TMEM232: variants seen among roughly 807,000 people sequenced by gnomAD.
The protein encoded by TMEM232 is transmembrane protein 232.
TMEM232 carries 80 observed loss-of-function variants against 78.8 expected under a neutral mutation model. The observed-to-expected ratio is 1.01, with a 90% confidence interval of 0.85 to 1.22. The LOEUF (loss-of-function observed/expected upper bound fraction) is 1.22, where lower values mean the gene tolerates loss of function less well. Ranked by LOEUF, TMEM232 falls within the 50% of genes most tolerant of loss-of-function variation. TMEM232 has a pLI of 0.00. For synonymous variants in TMEM232, 297 were observed against 254.3 expected, an observed-to-expected ratio of 1.17 and a Z score of -1.60; for missense variants, 881 against 742.2, an observed-to-expected ratio of 1.19 and a Z score of -2.17.
chr5:110,499,426 A>C (rs1231810946), intron 12 of TMEM232, among the ~76,000 whole-genome samples: 2 of 152,046 alleles, frequency 1.3e-5, no homozygotes, highest in Non-Finnish European at 2.9e-5. Flanking sequence ...TAATCTTTTA[A>C]AAATTTTATT....
chr5:110,488,375 G>T (rs1467713657), intron 12 of TMEM232, among the ~76,000 whole-genome samples: 1 of 151,980 alleles, frequency 6.6e-6, no homozygotes, highest in Non-Finnish European at 1.5e-5. Context: ...TTAAAGCACA[G>T]AGCATCTTTT....
chr5:110,393,282 A>G (rs553408888), intron 3 of TMEM232, among the ~76,000 whole-genome samples: 138 of 152,304 alleles, frequency 9.1e-4, no homozygotes, highest in African/African-American at 3.2e-3. Flanking sequence ...CAATAATTTT[A>G]GATTTTTCTT....
At chr5:110,528,879 ATGGG>A (rs1427603450) in intron 11 of TMEM232, 44 bp from the exon 12 acceptor site, 4 of 1,273,436 alleles carry the variant, frequency 3.1e-6, no homozygotes, top group African/African-American at 1.5e-5. Flanking sequence ...ACAGGATTAA[ATGGG>A]AGAAAAAAAA....
intron 10 of TMEM232, among the ~76,000 whole-genome samples, chr5:110,601,552 C>G (rs1420492403): frequency 6.6e-6 from 1 of 151,998 alleles, no homozygotes; most frequent in Non-Finnish European, 1.5e-5. Flanking sequence ...ACAACTGCTA[C>G]AAAGAAAATA....
chr5:110,405,358 A>G (rs2112574369), intron 2 of TMEM232, among the ~76,000 whole-genome samples: 1 of 152,184 alleles, frequency 6.6e-6, no homozygotes, highest in East Asian at 1.9e-4. Context: ...TATTTTATAC[A>G]CCATATTCAT....
chr5:110,558,198 G>A (rs1775326742), intron 11 of TMEM232, among the ~76,000 whole-genome samples: 1 of 152,042 alleles, frequency 6.6e-6, no homozygotes, highest in African/African-American at 2.4e-5. Flanking sequence ...TTGGTCTGCT[G>A]GCAACATCAT....
At chr5:110,661,237 T>C (rs890162457) in intron 2 of TMEM232, among the ~76,000 whole-genome samples, 2 of 152,218 alleles carry the variant, frequency 1.3e-5, no homozygotes, top group African/African-American at 4.8e-5. Context: ...TTATCATGCA[T>C]GGACACTTAG....
chr5:110,415,301 C>T (rs1756156051), downstream of TMEM232, among the ~76,000 whole-genome samples: 1 of 151,910 alleles, frequency 6.6e-6, no homozygotes, highest in Non-Finnish European at 1.5e-5. Flanking sequence ...CATTCTCCCG[C>T]CTCAGCCTCC....
chr5:110,400,394 C>T (rs1755546376), intron 2 of TMEM232, among the ~76,000 whole-genome samples: 1 of 152,048 alleles, frequency 6.6e-6, no homozygotes, highest in Non-Finnish European at 1.5e-5. Flanking sequence ...TGCCACATTA[C>T]AATTATTTGC....
chr5:110,596,331 G>T (rs1488772780), intron 10 of TMEM232, among the ~76,000 whole-genome samples: 1 of 152,126 alleles, frequency 6.6e-6, no homozygotes, highest in African/African-American at 2.4e-5. Context: ...TTGAATCTCT[G>T]AATAGACCAA....
chr5:110,456,612 T>C (rs911955904), intron 12 of TMEM232, among the ~76,000 whole-genome samples: 3 of 152,080 alleles, frequency 2.0e-5, no homozygotes, highest in African/African-American at 7.2e-5. Context: ...AAAAATACTA[T>C]CTGGTTTCAA....
intron 11 of TMEM232, among the ~76,000 whole-genome samples, chr5:110,537,291 A>ATAT (rs1554102698): frequency 0.035 from 4,791 of 136,314 alleles, 248 homozygotes; most frequent in African/African-American, 0.14. Context: ...ATATATATAT[A>ATAT]TTTTTTTTTT....
At position 110,622,231 on chromosome 5, in the gene TMEM232, G is replaced by A. The variant is rs79724497; in HGVS notation, c.768+3036C>T. On this transcript the variant is annotated intron_variant, in intron 7 of 13. Coordinates refer to ENST00000455884, the MANE Select transcript of TMEM232 (RefSeq NM_001039763.4). ...ACAGCACAAAATGTCCCAAACTTAG[G>A]TAATGCCTTTGGCTTATCAAAAAGT... 4.3e-3 allele frequency among the ~76,000 whole-genome samples: 659 copies of A among 152,210 alleles called. 22 individuals are homozygous for A. In the East Asian group the frequency reaches 0.051, roughly 12 times the overall value.
chr5:110,446,863 T>G (rs1759702193), intron 12 of TMEM232, among the ~76,000 whole-genome samples: 1 of 152,056 alleles, frequency 6.6e-6, no homozygotes. Context: ...TTCATTTAAA[T>G]ATGGTTAAGG....
chr5:110,423,042 A>T (rs538722917), intron 13 of TMEM232, among the ~76,000 whole-genome samples: 1 of 152,176 alleles, frequency 6.6e-6, no homozygotes, highest in African/African-American at 2.4e-5. Context: ...AATGAGGTAT[A>T]TTTTCTATTC....
intron 10 of TMEM232, among the ~76,000 whole-genome samples, chr5:110,597,953 G>T (rs1264306787): frequency 6.6e-6 from 1 of 152,142 alleles, no homozygotes; most frequent in African/African-American, 2.4e-5. Flanking sequence ...ATAGGCATGG[G>T]CAAGGACTTC....
Position 110,419,969 on chromosome 5 carries a change from A to T in TMEM232, c.*611T>A, listed in dbSNP as rs1756476160. The T allele has an allele frequency of 6.6e-6, 1 of 152,174 alleles. No homozygotes were observed. The highest frequency in any genetic ancestry group is 1.5e-5 in the Non-Finnish European group (1 of 68,070). The allele number at this position is 152,174 out of a possible 1,614,324, so 9.4% of individuals were successfully genotyped here. Reference sequence around the variant, plus strand: ...CTCATAAACTCACAGAACAGAGTAAAACCACCATCTCTCAGGAATCCCCTC... The same window carrying T: ...CTCATAAACTCACAGAACAGAGTAATACCACCATCTCTCAGGAATCCCCTC... On this transcript the variant is annotated 3_prime_UTR_variant, in exon 14 of 14. Transcript: ENST00000455884.
chr5:110,713,608 A>G (rs1796720350), intron 1 of TMEM232, among the ~76,000 whole-genome samples: 1 of 152,204 alleles, frequency 6.6e-6, no homozygotes, highest in Non-Finnish European at 1.5e-5. Flanking sequence ...TCAAAATTTG[A>G]AAAACAAAAT....
At chr5:110,696,356 G>C (rs1042672096) in intron 1 of TMEM232, among the ~76,000 whole-genome samples, 3 of 152,152 alleles carry the variant, frequency 2.0e-5, no homozygotes, top group African/African-American at 7.2e-5. Context: ...ATACTGAATG[G>C]ACAAAAACTG....
Sources: gnomAD v4.1 joint callset for allele counts (sites outside exome capture counted in the v4.1 genomes callset) on GRCh38, gnomAD v4.1.1 for gene constraint, MANE v1.5 for transcripts, NCBI Gene and HGNC (gene_info 2026-07-23, HGNC 2026-07-21) for gene names.